ARL14EPL: variants seen among roughly 807,000 people sequenced by gnomAD.
The protein encoded by ARL14EPL is ARF like GTPase 14 effector protein like.
A neutral mutation model predicts 15.9 loss-of-function variants in ARL14EPL; 17 were observed. The observed-to-expected ratio is 1.07, with a 90% CI of 0.73 to 1.60. The LOEUF (loss-of-function observed/expected upper bound fraction) is 1.60. Among genes scored for constraint, ARL14EPL ranks in the 40% most tolerant of loss-of-function variants. ARL14EPL has a pLI of 0.00. For synonymous variants in ARL14EPL, 78 were observed against 63.8 expected (o/e 1.22, Z -1.06); for missense variants, 214 against 185.9 (o/e 1.15, Z -0.88).
At chr5:116,037,578 G>T (rs1030100778) in intron 1 of ARL14EPL, among the ~76,000 whole-genome samples, 2 of 152,160 alleles carry the variant, frequency 1.3e-5, no homozygotes, top group African/African-American at 4.8e-5. Context: ...GAGTTTTTTT[G>T]TTTGTTTGTT....
At chr5:116,040,038 C>G (rs1202417688) in intron 1 of ARL14EPL, among the ~76,000 whole-genome samples, 1 of 152,092 alleles carries the variant, frequency 6.6e-6, no homozygotes, top group Non-Finnish European at 1.5e-5. Flanking sequence ...TTTGTTTTGA[C>G]TATTAAGTTG....
intron 1 of ARL14EPL, among the ~76,000 whole-genome samples, chr5:116,048,753 C>T (rs1749318965): frequency 1.3e-5 from 2 of 151,748 alleles, no homozygotes; most frequent in Admixed American, 1.3e-4. Context: ...AGAAGATGAG[C>T]CTATAAAGGT....
chr5:116,058,839 C>T lies in ARL14EPL; in HGVS notation c.351C>T (p.Ser117=), dbSNP rs1390182322. 6.5e-7 allele frequency: 1 copy of T among 1,536,016 alleles called. No individual in the cohort carries two copies. Among genetic ancestry groups the T allele is most frequent in the Middle Eastern group, 1.7e-4 (1 of 5,964 alleles). The change falls in exon 4 of 4, where the codon TCC becomes TCT. Residue 117 remains serine, a synonymous_variant. Transcript: ENST00000686077. ...GCFYPCPKCN[S]NKCGPECRCN... ...TCTACCCATGCCCGAAGTGTAACTC[C>T]AACAAGTGTGGGCCCGAGTGCCGCT...
intron 3 of ARL14EPL, among the ~76,000 whole-genome samples, chr5:116,054,701 CG>C (rs1322432802): frequency 6.6e-6 from 1 of 151,908 alleles, no homozygotes; most frequent in Non-Finnish European, 1.5e-5. Context: ...CGTGGTGGCA[CG>C]CGCCTGTAGT....
At chr5:116,047,887 G>A (rs921186050) in intron 1 of ARL14EPL, among the ~76,000 whole-genome samples, 30 of 152,164 alleles carry the variant, frequency 2.0e-4, no homozygotes, top group African/African-American at 7.0e-4. Context: ...AGTTTCTATG[G>A]CCAGCCTCAG....
intron 1 of ARL14EPL, among the ~76,000 whole-genome samples, chr5:116,037,771 T>G (rs1325073194): frequency 6.6e-6 from 1 of 152,214 alleles, no homozygotes; most frequent in African/African-American, 2.4e-5. Context: ...TGATAAAGTA[T>G]AAAAAATCCA....
intron 1 of ARL14EPL, among the ~76,000 whole-genome samples, chr5:116,037,627 G>T (rs1159101134): frequency 6.6e-6 from 1 of 152,176 alleles, no homozygotes; most frequent in Non-Finnish European, 1.5e-5. Context: ...GGGGTTTTGT[G>T]CCATCTGCTG....
At chr5:116,050,826 C>A (rs867335747) in intron 1 of ARL14EPL, among the ~76,000 whole-genome samples, 798 of 75,810 alleles carry the variant, frequency 0.011, 9 homozygotes, top group Non-Finnish European at 0.011. Context: ...TACACACACA[C>A]ATGCACACAC....
chr5:116,051,232 T>G (rs1749370251), intron 1 of ARL14EPL: 1 of 464,974 alleles, frequency 2.2e-6, no homozygotes, highest in Non-Finnish European at 3.8e-6. Flanking sequence ...AAGGTACTAT[T>G]GATTTTCTCC....
At chr5:116,051,275 G>A (rs1270192790) in intron 1 of ARL14EPL, 182 bp from the exon 2 acceptor site, 6 of 508,114 alleles carry the variant, frequency 1.2e-5, no homozygotes, top group Non-Finnish European at 2.1e-5. Context: ...CCTCAGTAGG[G>A]TGGTCTGGGG....
At chr5:116,043,903 T>C (rs527961251) in intron 1 of ARL14EPL, among the ~76,000 whole-genome samples, 1 of 152,342 alleles carries the variant, frequency 6.6e-6, no homozygotes, top group South Asian at 2.1e-4. Context: ...CTTCTCCAGC[T>C]AATTGTCTAA....
intron 1 of ARL14EPL, among the ~76,000 whole-genome samples, chr5:116,044,146 T>A (rs941864513): frequency 3.3e-5 from 5 of 152,222 alleles, no homozygotes; most frequent in African/African-American, 1.2e-4. Context: ...GATTTTTGCA[T>A]CATTGCCAGA....
intron 3 of ARL14EPL, among the ~76,000 whole-genome samples, chr5:116,056,283 G>A (rs1749515235): frequency 2.0e-5 from 3 of 152,070 alleles, no homozygotes; most frequent in Admixed American, 1.3e-4. Flanking sequence ...AAGTGTTCCT[G>A]TTTCTCCACA....
intron 1 of ARL14EPL, among the ~76,000 whole-genome samples, chr5:116,042,578 C>T (rs1482986613): frequency 1.3e-5 from 2 of 152,154 alleles, no homozygotes; most frequent in Non-Finnish European, 2.9e-5. Flanking sequence ...AGTAGTAGTA[C>T]CCAGACAATA....
rs1366745419 is a variant in ARL14EPL at position 116,058,763 on chromosome 5, G to C, written c.275G>C (p.Cys92Ser). The C allele has an allele frequency of 6.5e-7, 1 of 1,535,508 alleles. No individual in the cohort carries two copies. Among genetic ancestry groups the C allele is most frequent in the Non-Finnish European group, 8.7e-7 (1 of 1,146,912 alleles). The change falls in exon 4 of 4, where the codon TGT (cysteine) becomes TCT (serine). Residue 92 changes from cysteine (C) to serine (S), a missense_variant. Physicochemically the swap from Cys to Ser is moderately radical, Grantham distance 112. Transcript: ENST00000686077. Reference protein sequence around the residue: ...RKYDKSGRLICNDADLCDCLE... With the variant: ...RKYDKSGRLISNDADLCDCLE... Reference sequence around the variant, plus strand: ...TATGACAAAAGTGGCAGGCTCATCTGTAATGACGCTGATCTGTGTGATTGT... The same window carrying C: ...TATGACAAAAGTGGCAGGCTCATCTCTAATGACGCTGATCTGTGTGATTGT...
chr5:116,047,046 G>A (rs1749281147), intron 1 of ARL14EPL, among the ~76,000 whole-genome samples: 1 of 152,182 alleles, frequency 6.6e-6, no homozygotes, highest in South Asian at 2.1e-4. Flanking sequence ...ACCAAAAGCT[G>A]ACTCAATTGG....
chr5:116,051,636 G>A, intron 2 of ARL14EPL, 75 bp downstream of exon 2: 2 of 1,286,836 alleles, frequency 1.6e-6, no homozygotes, highest in Non-Finnish European at 2.1e-6. Flanking sequence ...GCCCATGGAT[G>A]TGGGTGGGAA....
At chr5:116,057,840 C>T (rs1749556707) in intron 3 of ARL14EPL, among the ~76,000 whole-genome samples, 1 of 152,178 alleles carries the variant, frequency 6.6e-6, no homozygotes, top group Admixed American at 6.5e-5. Context: ...ATAATTTTGC[C>T]ATACTAGCTT....
chr5:116,038,843 A>G (rs918995559), intron 1 of ARL14EPL, among the ~76,000 whole-genome samples: 4 of 152,248 alleles, frequency 2.6e-5, no homozygotes, highest in African/African-American at 9.6e-5. Context: ...GAGAGCAAAT[A>G]CATGTTTCTG....
Sources: gnomAD v4.1 joint callset for allele counts (sites outside exome capture counted in the v4.1 genomes callset) on GRCh38, gnomAD v4.1.1 for gene constraint, MANE v1.5 for transcripts, NCBI Gene and HGNC (gene_info 2026-07-23, HGNC 2026-07-21) for gene names.